Variants in BBS9 observed in about 807,000 individuals in gnomAD.
BBS9 encodes Bardet-Biedl syndrome 9, also known as protein PTHB1.
A neutral mutation model predicts 117.7 loss-of-function variants in BBS9; 89 were observed. The ratio of observed to expected loss-of-function variants is 0.76; its 90% CI spans 0.64 to 0.90. The LOEUF (loss-of-function observed/expected upper bound fraction) is 0.90. BBS9 is among the 40% of genes least tolerant of loss of function. The probability of loss-of-function intolerance (pLI) is 0.00; values close to 1 mark genes in which losing one functional copy is unlikely to be tolerated. For missense variants in BBS9, 982 were observed against 1,042.2 expected, an observed-to-expected ratio of 0.94 and a Z score of 0.80; for synonymous variants, 379 against 370.9, an observed-to-expected ratio of 1.02 and a Z score of -0.25.
At chr7:33,580,967 T>C (rs1269089046) in intron 21 of BBS9, among the ~76,000 whole-genome samples, 3 of 152,148 alleles carry the variant, frequency 2.0e-5, no homozygotes, top group Non-Finnish European at 4.4e-5. Context: ...GTTTTGAACA[T>C]TGGTAAGTAT....
intron 17 of BBS9, among the ~76,000 whole-genome samples, chr7:33,373,728 G>A (rs557769982): frequency 6.6e-6 from 1 of 152,292 alleles, no homozygotes; most frequent in South Asian, 2.1e-4. Flanking sequence ...TATCCTGAAA[G>A]ATTTTTAACA....
chr7:33,301,417 ACCTCTGAATAGCATTCCCAG>A (rs1806412523), intron 9 of BBS9, among the ~76,000 whole-genome samples: 1 of 151,798 alleles, frequency 6.6e-6, no homozygotes, highest in Non-Finnish European at 1.5e-5. Flanking sequence ...TTTCCTCCCA[ACCTCTGAATAGCATTCCCAG>A]CCTCTGGTAA....
chr7:33,484,646 C>T (rs753242122), intron 19 of BBS9, among the ~76,000 whole-genome samples: 2 of 152,154 alleles, frequency 1.3e-5, no homozygotes, highest in Non-Finnish European at 2.9e-5. Context: ...ACAACAGATG[C>T]TGGCGAGGTT....
At chr7:33,629,440 G>T (rs1248187482) in intron 21 of BBS9, among the ~76,000 whole-genome samples, 1 of 152,126 alleles carries the variant, frequency 6.6e-6, no homozygotes, top group African/African-American at 2.4e-5. Context: ...CTCAGGGATA[G>T]ACTTGGGTGG....
intron 19 of BBS9, among the ~76,000 whole-genome samples, chr7:33,421,692 CA>C (rs1832883327): frequency 1.3e-5 from 2 of 152,202 alleles, no homozygotes; most frequent in South Asian, 4.2e-4. Context: ...TGGAAACAAA[CA>C]GTAGAGATCT....
intron 19 of BBS9, among the ~76,000 whole-genome samples, chr7:33,466,794 G>A (rs554941135): frequency 3.3e-5 from 5 of 152,194 alleles, no homozygotes; most frequent in East Asian, 3.9e-4. Flanking sequence ...AGTCAGAGGC[G>A]GATACAGAGG....
chr7:33,132,045 A>C (rs1287740990), intron 1 of BBS9, among the ~76,000 whole-genome samples: 1 of 152,230 alleles, frequency 6.6e-6, no homozygotes, highest in African/African-American at 2.4e-5. Context: ...TGTTTATAGG[A>C]CTGCACCTGT....
chr7:33,457,631 T>A (rs781159213), intron 19 of BBS9, among the ~76,000 whole-genome samples: 12 of 152,150 alleles, frequency 7.9e-5, no homozygotes, highest in Non-Finnish European at 1.6e-4. Context: ...ATGGAAAACA[T>A]GTATGGTATC....
At chr7:33,280,657 G>C (rs1801631480) in intron 9 of BBS9, among the ~76,000 whole-genome samples, 1 of 152,148 alleles carries the variant, frequency 6.6e-6, no homozygotes, top group African/African-American at 2.4e-5. Context: ...TAATCAGTGA[G>C]AAAGATGAAC....
At chr7:33,378,127 C>T (rs1199595696) in intron 17 of BBS9, among the ~76,000 whole-genome samples, 2 of 152,112 alleles carry the variant, frequency 1.3e-5, no homozygotes, top group Non-Finnish European at 2.9e-5. Context: ...TGGCCTTTCC[C>T]GACCATAGCA....
intron 5 of BBS9, chr7:33,242,900 A>G (rs1260055137): frequency 1.5e-5 from 8 of 517,208 alleles, no homozygotes; most frequent in Admixed American, 1.2e-4. Context: ...TAGGAAGGTT[A>G]GAAGACGTAG....
intron 19 of BBS9, among the ~76,000 whole-genome samples, chr7:33,419,007 C>G (rs183478407): frequency 6.6e-6 from 1 of 152,134 alleles, no homozygotes; most frequent in African/African-American, 2.4e-5. Flanking sequence ...TTAGCAAAAT[C>G]CCATTATGCA....
chr7:33,577,145 A>G (rs1448698929), intron 21 of BBS9, among the ~76,000 whole-genome samples: 1 of 152,152 alleles, frequency 6.6e-6, no homozygotes, highest in Non-Finnish European at 1.5e-5. Flanking sequence ...AATTTTTGCA[A>G]TTTACCCATC....
At chr7:33,550,219 C>T (rs1225198129) in intron 21 of BBS9, among the ~76,000 whole-genome samples, 5 of 151,976 alleles carry the variant, frequency 3.3e-5, no homozygotes, top group Non-Finnish European at 5.9e-5. Flanking sequence ...ATTCAGTTTC[C>T]AACAATAAGA....
At chr7:33,621,861 T>C (rs1388551582) in intron 21 of BBS9, among the ~76,000 whole-genome samples, 1 of 152,160 alleles carries the variant, frequency 6.6e-6, no homozygotes, top group African/African-American at 2.4e-5. Context: ...TGTGAAAATG[T>C]GGATAAACCT....
At chr7:33,151,643 G>A (rs1022195733) in intron 2 of BBS9, among the ~76,000 whole-genome samples, 2 of 151,444 alleles carry the variant, frequency 1.3e-5, no homozygotes, top group Non-Finnish European at 2.9e-5. Context: ...TCCACTTCCC[G>A]GATTCCAGCG....
chr7:33,264,881 C>T (rs1798554566), intron 7 of BBS9, among the ~76,000 whole-genome samples: 1 of 151,976 alleles, frequency 6.6e-6, no homozygotes, highest in Non-Finnish European at 1.5e-5. Context: ...GCCATTAATT[C>T]TTTAAATATT....
In BBS9 at chr7:33,357,930, C is replaced by A. The variant is rs1157665106; in HGVS notation, c.1628C>A (p.Thr543Asn). 1 of 1,612,478 alleles carries A rather than the reference C, an allele frequency of 6.2e-7. No individual in the cohort carries two copies. Among genetic ancestry groups the A allele is most frequent in the African/African-American group, 1.3e-5 (1 of 74,842 alleles). The change falls in exon 16 of 23, where the codon ACT becomes AAT. Residue 543 changes from threonine (T) to asparagine (N), a missense_variant. Coordinates refer to ENST00000242067, the MANE Select transcript of BBS9 (RefSeq NM_198428.3). ...TGCCTACCAGGTCAGCCTTCAAAAA[C>A]TGCAAGCCACAAAATTACTATTGAT... ...LICLPGQPSK[T>N]ASHKITIDTN...
chr7:33,623,646 C>G (rs1312014171), intron 21 of BBS9, among the ~76,000 whole-genome samples: 1 of 152,052 alleles, frequency 6.6e-6, no homozygotes, highest in African/African-American at 2.4e-5. Context: ...GTAGATTTGA[C>G]CAATTTCAAT....
Sources: allele counts gnomAD v4.1 joint callset (sites outside exome capture counted in the v4.1 genomes callset), GRCh38; gene constraint gnomAD v4.1.1; transcripts MANE v1.5; gene names NCBI Gene and HGNC (gene_info 2026-07-23, HGNC 2026-07-21).